RRAS2: variants seen among roughly 807,000 people sequenced by gnomAD.
RRAS2 encodes RAS related 2, also known as ras-related protein R-Ras2.
A neutral mutation model predicts 27.6 loss-of-function variants in RRAS2; 7 were observed. The ratio of observed to expected loss-of-function variants is 0.25; its 90% CI spans 0.14 to 0.48. RRAS2 has a LOEUF of 0.48. Among genes scored for constraint, RRAS2 ranks in the 20% least tolerant of loss-of-function variants. RRAS2 has a pLI of 0.99. For synonymous variants in RRAS2, 86 were observed against 90.9 expected, an observed-to-expected ratio of 0.95 and a Z score of 0.31; for missense variants, 178 against 256.2, an observed-to-expected ratio of 0.69 and a Z score of 2.08.
chr11:14,290,147 AG>A (rs1849771236), intron 4 of RRAS2, among the ~76,000 whole-genome samples: 1 of 152,190 alleles, frequency 6.6e-6, no homozygotes, highest in African/African-American at 2.4e-5. Context: ...AATTGTGAAG[AG>A]ATGTTAAAAA....
chr11:14,352,849 G>T (rs1260023519), intron 1 of RRAS2, among the ~76,000 whole-genome samples: 1 of 151,222 alleles, frequency 6.6e-6, no homozygotes, highest in Non-Finnish European at 1.5e-5. Context: ...AGGCTGGAGT[G>T]CAGTGGCATG....
intron 5 of RRAS2, among the ~76,000 whole-genome samples, chr11:14,280,264 A>G (rs1249871769): frequency 6.6e-6 from 1 of 151,974 alleles, no homozygotes; most frequent in African/African-American, 2.4e-5. Context: ...TCATCTTATA[A>G]AACCGAGACT....
intron 1 of RRAS2, among the ~76,000 whole-genome samples, chr11:14,316,669 G>A (rs1848114434): frequency 6.6e-6 from 1 of 152,194 alleles, no homozygotes; most frequent in African/African-American, 2.4e-5. Flanking sequence ...CTTAAGCCCA[G>A]GAGGTCAAGG....
At chr11:14,306,891 TAAA>T (rs11287532) in intron 1 of RRAS2, among the ~76,000 whole-genome samples, 57 of 133,124 alleles carry the variant, frequency 4.3e-4, no homozygotes, top group Admixed American at 7.5e-4. Context: ...TGTGCCAAGA[TAAA>T]AAAAAAAAAA....
chr11:14,280,726 C>CAAAAAAAAAAAAAAAA (rs58781581), intron 5 of RRAS2, among the ~76,000 whole-genome samples: 2 of 48,330 alleles, frequency 4.1e-5, no homozygotes, highest in Admixed American at 3.3e-4. Flanking sequence ...ACTCTGTTTC[C>CAAAAAAAAAAAAAAAA]AAAAAAAAAA....
intron 1 of RRAS2, among the ~76,000 whole-genome samples, chr11:14,325,152 C>T (rs1848323398): frequency 6.6e-6 from 1 of 152,094 alleles, no homozygotes; most frequent in Non-Finnish European, 1.5e-5. Flanking sequence ...CGTATCTGAG[C>T]CCTCAAACTT....
chr11:14,318,873 C>T (rs1306030491), intron 1 of RRAS2, among the ~76,000 whole-genome samples: 1 of 152,216 alleles, frequency 6.6e-6, no homozygotes, highest in Non-Finnish European at 1.5e-5. Flanking sequence ...TATCTGTATA[C>T]TTTGACTCAC....
intron 1 of RRAS2, among the ~76,000 whole-genome samples, chr11:14,322,335 G>T (rs907969180): frequency 6.6e-6 from 1 of 151,878 alleles, no homozygotes; most frequent in Non-Finnish European, 1.5e-5. Flanking sequence ...ATCTACTTGG[G>T]AGGCTAAACT....
At chr11:14,324,697 G>A (rs953692450) in intron 1 of RRAS2, among the ~76,000 whole-genome samples, 1 of 152,138 alleles carries the variant, frequency 6.6e-6, no homozygotes, top group East Asian at 1.9e-4. Flanking sequence ...GCACATAGCA[G>A]TTGTCTCCAA....
chr11:14,327,570 C>CA (rs1383213721), intron 1 of RRAS2, among the ~76,000 whole-genome samples: 1 of 152,180 alleles, frequency 6.6e-6, no homozygotes, highest in Non-Finnish European at 1.5e-5. Context: ...ATTGCCTGAG[C>CA]ATCTTTCTCT....
intron 4 of RRAS2, among the ~76,000 whole-genome samples, chr11:14,285,633 T>C (rs1006150001): frequency 3.1e-4 from 47 of 152,222 alleles, no homozygotes; most frequent in African/African-American, 1.1e-3. Flanking sequence ...TGCGGATGAA[T>C]TATCTCGCTT....
At chr11:14,300,386 C>G (rs542551041) in intron 1 of RRAS2, among the ~76,000 whole-genome samples, 1 of 152,266 alleles carries the variant, frequency 6.6e-6, no homozygotes, top group African/African-American at 2.4e-5. Context: ...GTCTGGCAAG[C>G]CTGGGCAACC....
chr11:14,340,942 A>G (rs1848692540), intron 1 of RRAS2, among the ~76,000 whole-genome samples: 1 of 152,198 alleles, frequency 6.6e-6, no homozygotes, highest in African/African-American at 2.4e-5. Context: ...AGAACACAGA[A>G]TTCCTTTTCT....
intron 4 of RRAS2, among the ~76,000 whole-genome samples, chr11:14,293,445 T>C (rs375508478): frequency 2.0e-4 from 31 of 152,222 alleles, no homozygotes; most frequent in African/African-American, 6.7e-4. Flanking sequence ...CCATATAACA[T>C]TGATATTGTT....
rs887542131 is a variant in RRAS2 at position 14,358,210 on chromosome 11, G to C, written c.108+553C>G. ...CCACCCGGACATATTACCTAAGAGA[G>C]TACTTATAAAAAGAGCGTAACACAC... On this transcript the variant is annotated intron_variant, in intron 1 of 5. Transcript: ENST00000256196. This position sits in a 1 kb window ranked among gnomAD's most constrained non-coding sequence, Gnocchi z 5.1. 1 of 984,898 alleles carries C rather than the reference G, an allele frequency of 1.0e-6. No individual in the cohort carries two copies. Among genetic ancestry groups the C allele is most frequent in the African/African-American group, 1.7e-5 (1 of 57,240 alleles). 61.0% of individuals were successfully genotyped at this position (984,898 alleles called of 1,614,324 possible). A position where few individuals can be genotyped will look rare whatever the true frequency, so the allele number is the denominator to read the frequency against.
chr11:14,286,302 T>C (rs868964670), intron 4 of RRAS2, among the ~76,000 whole-genome samples: 1 of 152,208 alleles, frequency 6.6e-6, no homozygotes, highest in South Asian at 2.1e-4. Context: ...GTATCAGGTA[T>C]CAGATATTTT....
chr11:14,294,240 G>A (rs1554946232), intron 4 of RRAS2, among the ~76,000 whole-genome samples: 1 of 152,162 alleles, frequency 6.6e-6, no homozygotes, highest in Non-Finnish European at 1.5e-5. Flanking sequence ...AAAATTTTAT[G>A]AAAAACTATT....
At chr11:14,318,058 G>A (rs1009797242) in intron 1 of RRAS2, among the ~76,000 whole-genome samples, 20 of 152,194 alleles carry the variant, frequency 1.3e-4, no homozygotes, top group African/African-American at 4.8e-4. Context: ...TCCCCTCACT[G>A]TTAGGACTAA....
intron 1 of RRAS2, among the ~76,000 whole-genome samples, chr11:14,319,110 T>G (rs968482023): frequency 6.6e-6 from 1 of 152,152 alleles, no homozygotes; most frequent in Non-Finnish European, 1.5e-5. Flanking sequence ...GTGCCCCAAA[T>G]TACATCATTA....
Sources: gnomAD v4.1 joint callset for allele counts (sites outside exome capture counted in the v4.1 genomes callset) on GRCh38, gnomAD v4.1.1 for gene constraint, Gnocchi (gnomAD v3.1) non-coding constraint, MANE v1.5 for transcripts, NCBI Gene and HGNC (gene_info 2026-07-23, HGNC 2026-07-21) for gene names.